The following INPP5D variants were observed in gnomAD, a reference collection of about 807,000 sequenced individuals.
INPP5D encodes the protein inositol polyphosphate-5-phosphatase D.
In INPP5D, 33 loss-of-function variants were observed where a neutral mutation model predicts 122.9. That is an observed-to-expected ratio of 0.27 (90% CI 0.20 to 0.36). The LOEUF (loss-of-function observed/expected upper bound fraction) is 0.36. Among genes scored for constraint, INPP5D ranks in the 10% least tolerant of loss-of-function variants. The pLI, the probability that INPP5D is intolerant of heterozygous loss-of-function variation, is 1.00. For synonymous variants in INPP5D, 584 were observed against 576.2 expected (o/e 1.01, Z -0.19); for missense variants, 1,053 against 1,412.7 (o/e 0.75, Z 4.08).
At chr2:233,091,631 C>A (rs1434440242) in intron 2 of INPP5D, among the ~76,000 whole-genome samples, 1 of 152,192 alleles carries the variant, frequency 6.6e-6, no homozygotes. Flanking sequence ...GACTCTTGAA[C>A]GTAGATTGGG....
At chr2:233,196,021 G>C (rs561703726) in intron 24 of INPP5D, among the ~76,000 whole-genome samples, 1 of 152,284 alleles carries the variant, frequency 6.6e-6, no homozygotes, top group African/African-American at 2.4e-5. Flanking sequence ...CTACTTAGGA[G>C]GCTGAGATGG....
chr2:233,158,286 G>A (rs531932301), intron 9 of INPP5D, 27 bp from the exon 10 acceptor site: 1 of 694,812 alleles, frequency 1.4e-6, no homozygotes, highest in Non-Finnish European at 2.6e-6. Context: ...GTGGATGAAT[G>A]AATTAATGAA....
In INPP5D at chr2:233,146,144, C is replaced by T. The variant is rs1242008245; in HGVS notation, c.754-18C>T. On this transcript the variant is annotated intron_variant, in intron 6 of 26. Transcript: ENST00000445964. ...GGTTCAGTGATGCTGCCCTGATCCT[C>T]TTTCCCTCCTCTCCCAGGTTCCTGG... The T allele has an allele frequency of 2.8e-6, 2 of 704,200 alleles. No individual in the cohort carries two copies. The highest frequency in any genetic ancestry group is 5.2e-6 in the Non-Finnish European group (2 of 384,988). The allele number at this position is 704,200 out of a possible 1,614,324, so 43.6% of individuals were successfully genotyped here.
chr2:233,149,770 C>T lies in INPP5D; in HGVS notation c.1030+2176C>T, dbSNP rs146503604. On this transcript the variant is annotated intron_variant, in intron 9 of 26. Coordinates refer to ENST00000445964, the MANE Select transcript of INPP5D (RefSeq NM_001017915.3). ...GGTCTGGTGCCTTTTCTCTGGTCCT[C>T]AGTTTACTCTTCTGTCCAGCAGGGA... 1.8e-3 allele frequency among the ~76,000 whole-genome samples: 272 copies of T among 152,244 alleles called. 2 individuals are homozygous for T. Among genetic ancestry groups the T allele is most frequent in the African/African-American group, 6.2e-3 (258 of 41,518 alleles).
chr2:233,136,054 A>G (rs1277392337), intron 5 of INPP5D, among the ~76,000 whole-genome samples: 1 of 152,246 alleles, frequency 6.6e-6, no homozygotes, highest in East Asian at 1.9e-4. Context: ...TGACACAATA[A>G]TACATGGGGT....
At chr2:233,074,925 G>A (rs1163036563) in intron 1 of INPP5D, among the ~76,000 whole-genome samples, 2 of 152,116 alleles carry the variant, frequency 1.3e-5, no homozygotes, top group Non-Finnish European at 2.9e-5. Flanking sequence ...GCTAGGAATG[G>A]CCACACAGAA....
At chr2:233,149,638 A>T (rs896224771) in intron 9 of INPP5D, among the ~76,000 whole-genome samples, 1 of 152,060 alleles carries the variant, frequency 6.6e-6, no homozygotes, top group Non-Finnish European at 1.5e-5. Flanking sequence ...AATATTCAAC[A>T]TGCTTAGGAT....
In INPP5D at chr2:233,172,624, C is replaced by T. The variant is rs73105595; in HGVS notation, c.1989+1472C>T. On this transcript the variant is annotated intron_variant, in intron 17 of 26. Transcript: ENST00000445964. Reference sequence around the variant, plus strand: ...GTTTTCAGACTTACTGATTGTGTGACATCAGTGGAAGAACCCAGAGAAAAT... The same window carrying T: ...GTTTTCAGACTTACTGATTGTGTGATATCAGTGGAAGAACCCAGAGAAAAT... 1.7e-3 allele frequency among the ~76,000 whole-genome samples: 260 copies of T among 152,262 alleles called. 1 individual carries two copies. The highest frequency in any genetic ancestry group is 6.0e-3 in the African/African-American group (251 of 41,560).
chr2:233,097,439 A>G (rs932534257), intron 2 of INPP5D, among the ~76,000 whole-genome samples: 3 of 152,238 alleles, frequency 2.0e-5, no homozygotes, highest in Non-Finnish European at 2.9e-5. Context: ...ATGTTCTTAT[A>G]ACATCAAGTC....
At chr2:233,108,067 C>T (rs914838343) in intron 2 of INPP5D, among the ~76,000 whole-genome samples, 3 of 152,110 alleles carry the variant, frequency 2.0e-5, no homozygotes, top group Non-Finnish European at 4.4e-5. Context: ...ACCATAGCCC[C>T]AGGGGGCGGA....
intron 1 of INPP5D, among the ~76,000 whole-genome samples, chr2:233,069,310 C>G (rs1192859241): frequency 6.6e-6 from 1 of 152,108 alleles, no homozygotes; most frequent in East Asian, 1.9e-4. Context: ...AATGGAGAAA[C>G]AAATAGATCT....
Position 233,188,723 on chromosome 2 carries a change from C to G in INPP5D, c.2359-1127C>G, listed in dbSNP as rs574348964. 1.3e-5 allele frequency among the ~76,000 whole-genome samples: 2 copies of G among 152,116 alleles called. No individual in the cohort carries two copies. Among genetic ancestry groups the G allele is most frequent in the Non-Finnish European group, 2.9e-5 (2 of 68,014 alleles). On this transcript the variant is annotated intron_variant, in intron 21 of 26. Transcript: ENST00000445964. This position sits in a 1 kb window ranked among gnomAD's most constrained non-coding sequence, Gnocchi z 4.7. ...ACGACAGGCACGCCCCATCAAGCCTCGCTAATTTCTGTATTTTTTAGTAGA... is the reference window on the plus strand; with the variant it reads ...ACGACAGGCACGCCCCATCAAGCCTGGCTAATTTCTGTATTTTTTAGTAGA...
rs532457111 is a variant in INPP5D at position 233,127,901 on chromosome 2, C to T, written c.524+1982C>T. 5.3e-4 allele frequency among the ~76,000 whole-genome samples: 80 copies of T among 152,342 alleles called. No individual in the cohort carries two copies. In the Middle Eastern group the frequency reaches 0.01, roughly 19 times the overall value. The stretch of plus-strand genomic sequence containing the variant: ...GGGATTATAGGCATGAGCCACTGTG[C>T]CCAGCCTACCACAAACATTTTAACA... On this transcript the variant is annotated intron_variant, in intron 4 of 26. Coordinates refer to ENST00000445964, the MANE Select transcript of INPP5D (RefSeq NM_001017915.3).
intron 2 of INPP5D, among the ~76,000 whole-genome samples, chr2:233,095,407 C>T (rs981422150): frequency 6.6e-6 from 1 of 152,062 alleles, no homozygotes; most frequent in Admixed American, 6.5e-5. Flanking sequence ...ATCACCTGAG[C>T]TCAGGAGTTC....
chr2:233,198,670 G>GC (rs1695250144), intron 25 of INPP5D, among the ~76,000 whole-genome samples: 1 of 152,250 alleles, frequency 6.6e-6, no homozygotes, highest in Non-Finnish European at 1.5e-5. Context: ...CATGTTTTGG[G>GC]CCGGGCATGG....
intron 9 of INPP5D, among the ~76,000 whole-genome samples, chr2:233,153,213 CT>C (rs1289436940): frequency 6.6e-6 from 1 of 152,192 alleles, no homozygotes; most frequent in Non-Finnish European, 1.5e-5. Context: ...CCGCACAGTC[CT>C]GCGAACAGAT....
At chr2:233,065,127 T>C (rs1691175705) in intron 1 of INPP5D, among the ~76,000 whole-genome samples, 2 of 152,146 alleles carry the variant, frequency 1.3e-5, no homozygotes, top group South Asian at 4.1e-4. Context: ...GTATCTTCCA[T>C]GTGAAGTGAC....
At position 233,188,626 on chromosome 2, in the gene INPP5D, A is replaced by G. The variant is rs1284015758; in HGVS notation, c.2359-1224A>G. ...GCCCAGGCTGGAGTGCAGTGGTGCC[A>G]TCTCGGCTCACTGCAACCTCCGCCT... is the stretch of plus-strand genomic sequence containing the variant. On this transcript the variant is annotated intron_variant, in intron 21 of 26. Transcript: ENST00000445964. This position sits in a 1 kb window ranked among gnomAD's most constrained non-coding sequence, Gnocchi z 4.7. Among the ~76,000 whole-genome samples, 2 of 152,132 alleles carry G rather than the reference A, an allele frequency of 1.3e-5. No individual in the cohort carries two copies. The highest frequency in any genetic ancestry group is 2.4e-5 in the African/African-American group (1 of 41,422).
Position 233,170,319 on chromosome 2 carries a change from T to C in INPP5D, c.1791+155T>C. 1 of 1,481,570 alleles carries C rather than the reference T, an allele frequency of 6.7e-7. No homozygotes were observed. The highest frequency in any genetic ancestry group is 1.4e-5 in the South Asian group (1 of 73,808). The allele number at this position is 1,481,570 out of a possible 1,614,324, so 91.8% of individuals were successfully genotyped here. ...TCAACGCTGTTTCCATTACTGAGCC[T>C]CAGCCGCTCCTCACGGTTCCCCTGT... On this transcript the variant is annotated intron_variant, in intron 15 of 26. Coordinates refer to ENST00000445964, the MANE Select transcript of INPP5D (RefSeq NM_001017915.3). This position sits in a 1 kb window ranked among gnomAD's most constrained non-coding sequence, Gnocchi z 4.5.
Sources: allele counts gnomAD v4.1 joint callset (sites outside exome capture counted in the v4.1 genomes callset), GRCh38; gene constraint gnomAD v4.1.1; non-coding constraint Gnocchi (gnomAD v3.1); transcripts MANE v1.5; gene names NCBI Gene and HGNC (gene_info 2026-07-23, HGNC 2026-07-21).